The following AOPEP variants were observed in gnomAD, a reference collection of about 807,000 sequenced individuals.
AOPEP encodes the protein aminopeptidase O (putative), also known as aminopeptidase O.
Under a neutral mutation model 98.1 loss-of-function variants are expected in AOPEP, and 77 were observed. The ratio of observed to expected loss-of-function variants is 0.78; its 90% CI spans 0.65 to 0.95. The LOEUF is 0.95. AOPEP is among the 40% of genes least tolerant of loss of function. The pLI is 0.00. For synonymous variants in AOPEP, 346 were observed against 365.3 expected (o/e 0.95, Z 0.60); for missense variants, 1,024 against 1,024.7 (o/e 1.00, Z 0.01).
At chr9:94,875,356 A>AAAAAAAAAAAAAAG (rs1564301939) in intron 5 of AOPEP, among the ~76,000 whole-genome samples, 84 of 149,222 alleles carry the variant, frequency 5.6e-4, no homozygotes, top group African/African-American at 2.0e-3. Flanking sequence ...AGAAAAAAAA[A>AAAAAAAAAAAAAAG]AAAAAAAAAA....
At chr9:94,746,621 A>C (rs943961060) in intron 1 of AOPEP, among the ~76,000 whole-genome samples, 50 of 152,320 alleles carry the variant, frequency 3.3e-4, no homozygotes, top group African/African-American at 1.2e-3. Context: ...CTTTTAAAGT[A>C]GAGTGAAATC....
the AOPEP span, chr9:95,101,349 T>C: frequency 2.6e-6 from 1 of 387,098 alleles, no homozygotes; most frequent in Non-Finnish European, 4.8e-6. Flanking sequence ...TCTAAGACTT[T>C]GAATTTTTAA....
chr9:94,798,381 T>C (rs1430949670), intron 4 of AOPEP, among the ~76,000 whole-genome samples: 1 of 152,208 alleles, frequency 6.6e-6, no homozygotes, highest in African/African-American at 2.4e-5. Context: ...GCCTTGTTCC[T>C]GATTGGAAAA....
chr9:95,075,320 G>T (rs2068934783), intron 14 of AOPEP, among the ~76,000 whole-genome samples: 1 of 152,082 alleles, frequency 6.6e-6, no homozygotes, highest in Non-Finnish European at 1.5e-5. Flanking sequence ...ATTACTTTTG[G>T]CATATGTACC....
rs549151568 is a variant in AOPEP, at chr9:94,968,927, A to G, written c.1916+1126A>G. Among the ~76,000 whole-genome samples, 4 of 152,300 alleles carry G rather than the reference A, an allele frequency of 2.6e-5. No individual in the cohort carries two copies. The East Asian group carries it at 7.7e-4, about 29-fold the overall frequency. On this transcript the variant is annotated intron_variant, in intron 10 of 16. Coordinates refer to ENST00000375315, the MANE Select transcript of AOPEP (RefSeq NM_001193329.3). ...GCCAACACTGAAGTTGAGCACATAC[A>G]GACACTCATTTAATCCTCAAAACAA...
At position 95,073,203 on chromosome 9, in the gene AOPEP, C is replaced by T. The variant is rs542848787; in HGVS notation, c.2233-7491C>T. Among the ~76,000 whole-genome samples, 254 of 152,228 alleles carry T rather than the reference C, an allele frequency of 1.7e-3. 2 individuals are homozygous for T. Among genetic ancestry groups the T allele is most frequent in the African/African-American group, 5.8e-3 (243 of 41,548 alleles). On this transcript the variant is annotated intron_variant, in intron 14 of 16. Transcript: ENST00000375315. ...AGGCTCTTGCTCAGCCATGTGGTTCCTACCTCCTACCTCATGCCAGCCCAG... is the reference window on the plus strand; with the variant it reads ...AGGCTCTTGCTCAGCCATGTGGTTCTTACCTCCTACCTCATGCCAGCCCAG...
At chr9:95,092,539 G>T in the AOPEP span, among the ~76,000 whole-genome samples, 2 of 152,214 alleles carry the variant, frequency 1.3e-5, no homozygotes, top group Non-Finnish European at 2.9e-5. Flanking sequence ...AGGCGACTGG[G>T]TGTGCACCCT....
chr9:95,124,774 G>A, the AOPEP span, among the ~76,000 whole-genome samples: 1 of 152,222 alleles, frequency 6.6e-6, no homozygotes, highest in Admixed American at 6.5e-5. Context: ...AGGGGGCAGT[G>A]TCCTGCTCGG....
At chr9:95,005,672 C>G in intron 13 of AOPEP, 56 bp downstream of exon 13, 1 of 1,381,318 alleles carries the variant, frequency 7.2e-7, no homozygotes, top group Non-Finnish European at 1.0e-6. Context: ...GCTTCTGCCC[C>G]GTGAGGACCT....
chr9:94,747,041 GTTT>G (rs59283562), intron 1 of AOPEP, among the ~76,000 whole-genome samples: 145 of 143,570 alleles, frequency 1.0e-3, no homozygotes, highest in African/African-American at 2.1e-3. Context: ...ACTCCAGTGG[GTTT>G]TTTTTTTTTT....
chr9:94,782,766 G>A (rs891024842), intron 3 of AOPEP, among the ~76,000 whole-genome samples: 12 of 152,276 alleles, frequency 7.9e-5, no homozygotes, highest in Middle Eastern at 3.4e-3. Flanking sequence ...AAGGGTAAAC[G>A]TATTAATCTT....
the AOPEP span, chr9:95,099,324 C>G: frequency 4.4e-6 from 1 of 226,860 alleles, no homozygotes; most frequent in Non-Finnish European, 8.8e-6. Flanking sequence ...CCTCTGAAGA[C>G]CTTGGTCCAG....
chr9:94,747,074 A>G (rs1433980568), intron 1 of AOPEP, among the ~76,000 whole-genome samples: 2 of 150,930 alleles, frequency 1.3e-5, no homozygotes, highest in Non-Finnish European at 1.5e-5. Flanking sequence ...ACATATCACA[A>G]TAGAGTCTTT....
intron 10 of AOPEP, among the ~76,000 whole-genome samples, chr9:94,973,947 T>TA (rs1169046041): frequency 6.6e-6 from 1 of 152,208 alleles, no homozygotes; most frequent in African/African-American, 2.4e-5. Flanking sequence ...AGTCAGCTTT[T>TA]AGTTTAACCA....
chr9:95,059,524 T>G (rs1187450064), intron 13 of AOPEP, among the ~76,000 whole-genome samples: 1 of 130,070 alleles, frequency 7.7e-6, no homozygotes, highest in Non-Finnish European at 1.6e-5. Context: ...TATGTGTGTG[T>G]GAATGAGTGA....
At chr9:94,927,790 T>C (rs1034924931) in intron 6 of AOPEP, among the ~76,000 whole-genome samples, 2 of 152,230 alleles carry the variant, frequency 1.3e-5, no homozygotes, top group Non-Finnish European at 2.9e-5. Context: ...GAAACACCCG[T>C]GGATAGACGT....
At chr9:94,955,362 C>A in intron 8 of AOPEP, 83 bp downstream of exon 8, 2 of 830,622 alleles carry the variant, frequency 2.4e-6, no homozygotes, top group Non-Finnish European at 4.0e-6. Flanking sequence ...TGATTAGTAA[C>A]AAGACTGAGG....
chr9:94,914,627 A>C (rs1233576081), intron 5 of AOPEP, among the ~76,000 whole-genome samples: 1 of 151,496 alleles, frequency 6.6e-6, no homozygotes, highest in Non-Finnish European at 1.5e-5. Context: ...ACATCTTTCA[A>C]ATTTTTAATG....
downstream of AOPEP, among the ~76,000 whole-genome samples, chr9:95,090,302 G>A (rs1268706227): frequency 6.6e-6 from 1 of 152,252 alleles, no homozygotes; most frequent in Non-Finnish European, 1.5e-5. Flanking sequence ...AGAACAAACG[G>A]ATGCCGGGTC....
Sources: gnomAD v4.1 joint callset for allele counts (sites outside exome capture counted in the v4.1 genomes callset) on GRCh38, gnomAD v4.1.1 for gene constraint, MANE v1.5 for transcripts, NCBI Gene and HGNC (gene_info 2026-07-23, HGNC 2026-07-21) for gene names.